ITPR2: variants seen among roughly 807,000 people sequenced by gnomAD.
ITPR2 encodes the protein inositol 1,4,5-trisphosphate receptor type 2, also known as inositol 1,4,5-trisphosphate-gated calcium channel ITPR2.
Under a neutral mutation model 317.1 loss-of-function variants are expected in ITPR2, and 207 were observed. The ratio of observed to expected loss-of-function variants is 0.65; its 90% CI spans 0.58 to 0.73. The LOEUF (loss-of-function observed/expected upper bound fraction) is 0.73, where lower values mean the gene tolerates loss of function less well. Ranked by LOEUF, ITPR2 falls within the 30% of genes least tolerant of loss-of-function variation. The pLI is 0.00. For synonymous variants in ITPR2, 1,156 were observed against 1,149.1 expected (o/e 1.01, Z -0.12); for missense variants, 2,613 against 3,284.0 (o/e 0.80, Z 4.99).
chr12:26,445,059 G>A (rs74916409), intron 45 of ITPR2, among the ~76,000 whole-genome samples: 9,252 of 152,000 alleles, frequency 0.061, 415 homozygotes, highest in South Asian at 0.11. Context: ...TAATCTTTAG[G>A]TACCTTAGCA....
chr12:26,671,542 G>A (rs1947771909), intron 13 of ITPR2, among the ~76,000 whole-genome samples: 1 of 152,104 alleles, frequency 6.6e-6, no homozygotes, highest in South Asian at 2.1e-4. Flanking sequence ...AAGAGGTCCT[G>A]AAGGAAGCAC....
At chr12:26,773,899 T>C (rs1949913470) in intron 2 of ITPR2, among the ~76,000 whole-genome samples, 1 of 151,240 alleles carries the variant, frequency 6.6e-6, no homozygotes, top group Admixed American at 6.6e-5. Context: ...GTTAATAATA[T>C]GGCATTAGCA....
At chr12:26,719,712 C>T (rs1208367669) in intron 5 of ITPR2, among the ~76,000 whole-genome samples, 1 of 152,154 alleles carries the variant, frequency 6.6e-6, no homozygotes, top group Non-Finnish European at 1.5e-5. Context: ...ATTAACTCGT[C>T]ATTTAGCATT....
Position 26,391,555 on chromosome 12 carries a change from C to CTTTTTTTTTTTTTTTTTTTTTTTT in ITPR2, c.7697-3962_7697-3961insAAAAAAAAAAAAAAAAAAAAAAAA, listed in dbSNP as rs1491173931. Among the ~76,000 whole-genome samples, 67 of 70,854 alleles carry CTTTTTTTTTTTTTTTTTTTTTTTT rather than the reference C, an allele frequency of 9.5e-4. 11 individuals are homozygous for CTTTTTTTTTTTTTTTTTTTTTTTT. The highest frequency in any genetic ancestry group is 1.8e-3 in the South Asian group (3 of 1,712). The allele number at this position is 70,854 out of a possible 152,430, so 46.5% of individuals were successfully genotyped here. On this transcript the variant is annotated intron_variant, in intron 54 of 56. Coordinates refer to ENST00000381340, the MANE Select transcript of ITPR2 (RefSeq NM_002223.4). ...AGCTTCTTCTTCTTCTTCTTCTTTTCCTTTTTTTTTTTTTTTTTTTTTTTT... is the reference window on the plus strand; with the variant it reads ...AGCTTCTTCTTCTTCTTCTTCTTTTCTTTTTTTTTTTTTTTTTTTTTTTTCTTTTTTTTTTTTTTTTTTTTTTTT...
intron 45 of ITPR2, among the ~76,000 whole-genome samples, chr12:26,464,806 C>T (rs367588340): frequency 1.3e-5 from 2 of 152,098 alleles, no homozygotes; most frequent in Admixed American, 6.5e-5. Context: ...TGGGCACACA[C>T]AGGAGGGACA....
At chr12:26,339,869 A>G (rs894481105) in intron 56 of ITPR2, among the ~76,000 whole-genome samples, 1 of 152,210 alleles carries the variant, frequency 6.6e-6, no homozygotes, top group Non-Finnish European at 1.5e-5. Context: ...TGGGCTTAGT[A>G]ATTACTATCA....
chr12:26,381,871 T>A (rs1939519816), intron 55 of ITPR2, among the ~76,000 whole-genome samples: 1 of 152,212 alleles, frequency 6.6e-6, no homozygotes, highest in South Asian at 2.1e-4. Context: ...TACAGACCTC[T>A]GGTTTGGATC....
chr12:26,640,108 G>A (rs753970755), intron 21 of ITPR2, among the ~76,000 whole-genome samples: 1 of 152,134 alleles, frequency 6.6e-6, no homozygotes, highest in Non-Finnish European at 1.5e-5. Context: ...CTATGCAAGT[G>A]TATTAACACT....
chr12:26,603,264 A>G (rs1034271204), intron 26 of ITPR2, among the ~76,000 whole-genome samples: 2 of 152,242 alleles, frequency 1.3e-5, no homozygotes, highest in Non-Finnish European at 2.9e-5. Flanking sequence ...AAGAGAGAAA[A>G]ATAAAAAGCA....
At chr12:26,380,136 T>C (rs1169764414) in intron 55 of ITPR2, among the ~76,000 whole-genome samples, 1 of 152,180 alleles carries the variant, frequency 6.6e-6, no homozygotes, top group East Asian at 1.9e-4. Flanking sequence ...AGCACCAAAG[T>C]CTAACAACCT....
At chr12:26,488,588 A>G (rs752053497) in intron 39 of ITPR2, among the ~76,000 whole-genome samples, 1 of 152,228 alleles carries the variant, frequency 6.6e-6, no homozygotes, top group Non-Finnish European at 1.5e-5. Flanking sequence ...ACCCTCAAGA[A>G]AGAAGGCCAA....
chr12:26,766,280 A>G (rs902117017), intron 2 of ITPR2, among the ~76,000 whole-genome samples: 12 of 152,074 alleles, frequency 7.9e-5, no homozygotes, highest in Non-Finnish European at 2.9e-5. Context: ...CATCCTGGAT[A>G]ATACTTTTTA....
chr12:26,740,255 C>T (rs1196830181), intron 2 of ITPR2, among the ~76,000 whole-genome samples: 1 of 152,152 alleles, frequency 6.6e-6, no homozygotes, highest in Non-Finnish European at 1.5e-5. Context: ...GCCAAAAATA[C>T]TTGAGGGTCC....
chr12:26,740,624 A>G (rs1462076819), intron 2 of ITPR2, among the ~76,000 whole-genome samples: 2 of 152,204 alleles, frequency 1.3e-5, no homozygotes, highest in African/African-American at 4.8e-5. Context: ...AAGATAAACT[A>G]TTTACTGTGG....
At chr12:26,538,097 A>G (rs568892597) in intron 37 of ITPR2, among the ~76,000 whole-genome samples, 4 of 152,356 alleles carry the variant, frequency 2.6e-5, no homozygotes, top group African/African-American at 9.6e-5. Context: ...AATGAGAGAC[A>G]GTATCATGTA....
chr12:26,604,162 T>C (rs1000154779), intron 26 of ITPR2, among the ~76,000 whole-genome samples: 1 of 152,194 alleles, frequency 6.6e-6, no homozygotes, highest in Non-Finnish European at 1.5e-5. Context: ...TCCTTGCTAA[T>C]CAAACAGTGC....
chr12:26,607,764 CT>C (rs1017082621), intron 26 of ITPR2, among the ~76,000 whole-genome samples: 1 of 152,012 alleles, frequency 6.6e-6, no homozygotes. Flanking sequence ...ACCTTTTTTC[CT>C]TTTGCTCCGT....
chr12:26,688,122 C>T (rs1411553074), intron 10 of ITPR2, among the ~76,000 whole-genome samples: 1 of 152,104 alleles, frequency 6.6e-6, no homozygotes, highest in Non-Finnish European at 1.5e-5. Context: ...TATAGTCTCG[C>T]TCTCCAGGGC....
intron 54 of ITPR2, among the ~76,000 whole-genome samples, chr12:26,394,644 A>G (rs779212129): frequency 3.3e-5 from 5 of 152,210 alleles, no homozygotes; most frequent in Non-Finnish European, 7.3e-5. Context: ...TGCCAGGAAA[A>G]TTCAAGTTAC....
Sources: allele counts gnomAD v4.1 joint callset (sites outside exome capture counted in the v4.1 genomes callset), GRCh38; gene constraint gnomAD v4.1.1; transcripts MANE v1.5; gene names NCBI Gene and HGNC (gene_info 2026-07-23, HGNC 2026-07-21).